Variants in ATP10B observed in about 807,000 individuals in gnomAD.
The protein encoded by ATP10B is ATPase phospholipid transporting 10B (putative).
In ATP10B, 122 loss-of-function variants were observed where a neutral mutation model predicts 141.2. That is an observed-to-expected ratio of 0.86 (90% confidence interval 0.75 to 1.00). ATP10B has a LOEUF of 1.00. Among genes scored for constraint, ATP10B ranks in the 50% least tolerant of loss-of-function variants. The probability of loss-of-function intolerance (pLI) is 0.00; values close to 1 mark genes in which losing one functional copy is unlikely to be tolerated. For synonymous variants in ATP10B, 685 were observed against 692.0 expected (o/e 0.99, Z 0.16); for missense variants, 1,876 against 1,825.3 (o/e 1.03, Z -0.51).
chr5:160,591,005 A>AG (rs2127612166), intron 23 of ATP10B, 54 bp downstream of exon 23: 2 of 1,424,148 alleles, frequency 1.4e-6, no homozygotes, highest in East Asian at 4.9e-5. Flanking sequence ...TTATATAAAA[A>AG]GGACCAGTTC....
rs540244930 is a variant in ATP10B at position 160,564,414 on chromosome 5, A to T, written c.*1039T>A. On this transcript the variant is annotated 3_prime_UTR_variant, in exon 26 of 26. Transcript: ENST00000327245. ...TGAAGTGACACTTGCTCTGACTCTA[A>T]CTGATGCAGGCCAGTGTCTTCCAGA... 6 of 152,230 alleles carry T rather than the reference A, an allele frequency of 3.9e-5. No homozygotes were observed. Among genetic ancestry groups the T allele is most frequent in the Admixed American group, 2.6e-4 (4 of 15,284 alleles). 9.4% of individuals were successfully genotyped at this position (152,230 alleles called of 1,614,324 possible).
At chr5:160,754,356 C>T (rs1768364727) in intron 2 of ATP10B, among the ~76,000 whole-genome samples, 1 of 152,040 alleles carries the variant, frequency 6.6e-6, no homozygotes, top group Admixed American at 6.6e-5. Flanking sequence ...CTTTATGTGG[C>T]TCAGGATTTC....
At chr5:160,877,606 C>G in the ATP10B span, among the ~76,000 whole-genome samples, 4 of 150,656 alleles carry the variant, frequency 2.7e-5, no homozygotes, top group Non-Finnish European at 3.0e-5. Context: ...TCCCTGTTTG[C>G]AGATGACATG....
At chr5:160,861,486 T>C in the ATP10B span, among the ~76,000 whole-genome samples, 890 of 152,062 alleles carry the variant, frequency 5.9e-3, 11 homozygotes, top group African/African-American at 0.02. Flanking sequence ...AGATACTTTA[T>C]AGCATTAGGT....
chr5:160,720,465 A>T (rs538980673), intron 2 of ATP10B, among the ~76,000 whole-genome samples: 2 of 152,218 alleles, frequency 1.3e-5, no homozygotes, highest in Non-Finnish European at 1.5e-5. Flanking sequence ...TCTTTGCTCC[A>T]GGGTCCTCTG....
chr5:160,922,961 G>A, the ATP10B span, among the ~76,000 whole-genome samples: 1 of 152,206 alleles, frequency 6.6e-6, no homozygotes, highest in African/African-American at 2.4e-5. Context: ...GAAGGAAATA[G>A]GATGGTTTTA....
intron 13 of ATP10B, among the ~76,000 whole-genome samples, chr5:160,626,875 A>G (rs1160031153): frequency 1.3e-5 from 2 of 152,222 alleles, no homozygotes; most frequent in African/African-American, 2.4e-5. Context: ...TTCAGTTTTA[A>G]TAATAACTCG....
At chr5:160,588,239 T>C (rs1756045224) in intron 24 of ATP10B, among the ~76,000 whole-genome samples, 1 of 152,196 alleles carries the variant, frequency 6.6e-6, no homozygotes, top group Non-Finnish European at 1.5e-5. Flanking sequence ...TTTATTTCTT[T>C]CTCGTGCTTG....
intron 1 of ATP10B, among the ~76,000 whole-genome samples, chr5:160,816,395 A>C (rs1333282358): frequency 6.6e-6 from 1 of 152,132 alleles, no homozygotes; most frequent in Non-Finnish European, 1.5e-5. Context: ...TACACTAGAA[A>C]ATCTAGAAGA....
At chr5:160,904,916 T>C in the ATP10B span, among the ~76,000 whole-genome samples, 7 of 152,208 alleles carry the variant, frequency 4.6e-5, no homozygotes, top group Non-Finnish European at 1.0e-4. Context: ...TTGGAGAATA[T>C]TGAAACAAAC....
chr5:160,620,195 G>T, intron 15 of ATP10B, 152 bp downstream of exon 15: 1 of 998,030 alleles, frequency 1.0e-6, no homozygotes. Context: ...ATGTTTTAAG[G>T]ATATTTGAGG....
At chr5:160,587,108 A>G (rs1413395756) in intron 24 of ATP10B, among the ~76,000 whole-genome samples, 1 of 152,104 alleles carries the variant, frequency 6.6e-6, no homozygotes, top group Admixed American at 6.5e-5. Flanking sequence ...TCTTTAATCC[A>G]TCTTGAGTTA....
At chr5:160,926,776 G>GGTA in the ATP10B span, among the ~76,000 whole-genome samples, 1,261 of 152,324 alleles carry the variant, frequency 8.3e-3, 22 homozygotes, top group African/African-American at 0.029. Flanking sequence ...TGATTCTTGA[G>GGTA]GTAGCTGCCT....
chr5:160,810,102 G>T (rs566091988), intron 1 of ATP10B, among the ~76,000 whole-genome samples: 3 of 151,796 alleles, frequency 2.0e-5, no homozygotes, highest in Admixed American at 2.0e-4. Context: ...GAGTAAGTTT[G>T]GTTTGTGTCT....
At chr5:160,621,015 A>T (rs1464596940) in intron 14 of ATP10B, 65 bp from the exon 15 acceptor site, 2 of 1,525,008 alleles carry the variant, frequency 1.3e-6, no homozygotes, top group African/African-American at 2.8e-5. Context: ...AAGTTGTCTT[A>T]TGCGGAATAT....
At chr5:160,689,009 A>T in intron 3 of ATP10B, 66 bp from the exon 4 acceptor site, 1 of 902,110 alleles carries the variant, frequency 1.1e-6, no homozygotes, top group Non-Finnish European at 1.3e-6. Context: ...GCTTTACAGC[A>T]CATCAAAAAG....
intron 2 of ATP10B, among the ~76,000 whole-genome samples, chr5:160,757,385 C>G (rs576544855): frequency 4.5e-4 from 68 of 152,176 alleles, no homozygotes; most frequent in Non-Finnish European, 8.1e-4. Flanking sequence ...ATATGAGCAA[C>G]TCAAATGACA....
chr5:160,865,657 A>C, the ATP10B span, among the ~76,000 whole-genome samples: 4,365 of 152,256 alleles, frequency 0.029, 167 homozygotes, highest in South Asian at 0.16. Context: ...GTGGGAGAAA[A>C]TATTCACAAC....
At chr5:160,618,599 G>C (rs115797879) in intron 15 of ATP10B, among the ~76,000 whole-genome samples, 1,585 of 152,270 alleles carry the variant, frequency 0.01, 22 homozygotes, top group African/African-American at 0.036. Context: ...TATGAATGTA[G>C]TATGAAAAAT....
Sources: allele counts gnomAD v4.1 joint callset (sites outside exome capture counted in the v4.1 genomes callset), GRCh38; gene constraint gnomAD v4.1.1; transcripts MANE v1.5; gene names NCBI Gene and HGNC (gene_info 2026-07-23, HGNC 2026-07-21).